RPRD1A: variants seen among roughly 807,000 people sequenced by gnomAD.
The protein encoded by RPRD1A is regulation of nuclear pre-mRNA domain containing 1A.
RPRD1A carries 9 observed loss-of-function variants against 37.8 expected under a neutral mutation model. The ratio of observed to expected loss-of-function variants is 0.24; its 90% CI spans 0.14 to 0.42. The LOEUF (loss-of-function observed/expected upper bound fraction) is 0.42. RPRD1A is among the 10% of genes least tolerant of loss of function. The probability of loss-of-function intolerance (pLI) is 1.00; values close to 1 mark genes in which losing one functional copy is unlikely to be tolerated. For synonymous variants in RPRD1A, 138 were observed against 139.7 expected (o/e 0.99, Z 0.08); for missense variants, 255 against 371.0 (o/e 0.69, Z 2.57).
At chr18:36,025,328 G>A (rs981461234) in intron 6 of RPRD1A, 1 of 279,556 alleles carries the variant, frequency 3.6e-6, no homozygotes, top group Non-Finnish European at 7.0e-6. Context: ...GAAGTGCCTA[G>A]AATAGTACCT....
In RPRD1A at chr18:36,017,842, T is replaced by C. The variant is rs565187403; in HGVS notation, c.789+9058A>G. On this transcript the variant is annotated intron_variant, in intron 6 of 6. Coordinates refer to ENST00000399022, the MANE Select transcript of RPRD1A (RefSeq NM_018170.5). ...CACTGGCTTAAGGACTCTGGTTTCA[T>C]CTGTAGCTCCCGCTCTTCCACTAGA... is the stretch of plus-strand genomic sequence containing the variant. Among the ~76,000 whole-genome samples the C allele has an allele frequency of 1.6e-4, 25 of 152,372 alleles. No homozygotes were observed. In the South Asian group the frequency reaches 4.6e-3, roughly 28 times the overall value.
At chr18:36,004,682 T>C (rs1445143738) in intron 6 of RPRD1A, among the ~76,000 whole-genome samples, 2 of 152,146 alleles carry the variant, frequency 1.3e-5, no homozygotes, top group East Asian at 1.9e-4. Context: ...TCCACTCTTA[T>C]TTGAAATGAA....
At chr18:36,031,579 G>A (rs920577203) in intron 2 of RPRD1A, among the ~76,000 whole-genome samples, 1 of 152,162 alleles carries the variant, frequency 6.6e-6, no homozygotes, top group African/African-American at 2.4e-5. Flanking sequence ...ATATCCGGAA[G>A]AGTATTTAAG....
In RPRD1A at chr18:35,998,268, G is replaced by A. The variant is rs998879844; in HGVS notation, c.790-4968C>T. Among the ~76,000 whole-genome samples the A allele has an allele frequency of 3.3e-5, 5 of 152,168 alleles. No individual in the cohort carries two copies. In the East Asian group the frequency reaches 9.7e-4, roughly 29 times the overall value. On this transcript the variant is annotated intron_variant, in intron 6 of 6. Coordinates refer to ENST00000399022, the MANE Select transcript of RPRD1A (RefSeq NM_018170.5). ...AGCTACTTGGGAGGCTGAGGCAGGA[G>A]AACAACTTGAACCTGGGACAGAGGT...
intron 1 of RPRD1A, among the ~76,000 whole-genome samples, chr18:36,044,126 T>C (rs1912790306): frequency 6.6e-6 from 1 of 152,188 alleles, no homozygotes; most frequent in South Asian, 2.1e-4. Context: ...GTCATTTTAA[T>C]GTTGAATAGG....
intron 1 of RPRD1A, among the ~76,000 whole-genome samples, chr18:36,050,439 G>A (rs754534502): frequency 2.6e-5 from 4 of 151,664 alleles, no homozygotes; most frequent in Non-Finnish European, 4.4e-5. Context: ...GTTTTCACCC[G>A]CCTTTGCTTT....
chr18:36,012,146 G>A (rs2144207992), intron 6 of RPRD1A, among the ~76,000 whole-genome samples: 1 of 152,272 alleles, frequency 6.6e-6, no homozygotes, highest in African/African-American at 2.4e-5. Context: ...CAGTGGTCCT[G>A]TAAGACTATA....
intron 1 of RPRD1A, chr18:36,063,065 A>G (rs2088948438): frequency 6.6e-6 from 1 of 152,092 alleles, no homozygotes; most frequent in South Asian, 2.1e-4. Context: ...CCCTCCAAAC[A>G]GAAACTCTTT....
At chr18:36,022,090 T>G (rs990048958) in intron 6 of RPRD1A, among the ~76,000 whole-genome samples, 1 of 152,192 alleles carries the variant, frequency 6.6e-6, no homozygotes, top group Non-Finnish European at 1.5e-5. Flanking sequence ...GTAGTCTGGA[T>G]AGAAGATCAA....
chr18:36,060,962 C>T (rs1011391483), intron 1 of RPRD1A, among the ~76,000 whole-genome samples: 9 of 150,584 alleles, frequency 6.0e-5, no homozygotes, highest in African/African-American at 2.2e-4. Flanking sequence ...GACACTGTCT[C>T]ATAAAAAAAA....
intron 1 of RPRD1A, among the ~76,000 whole-genome samples, chr18:36,057,608 T>C (rs958339808): frequency 6.6e-6 from 1 of 152,030 alleles, no homozygotes; most frequent in Non-Finnish European, 1.5e-5. Flanking sequence ...TAAGACCCTG[T>C]CTCAAAAAAA....
intron 1 of RPRD1A, among the ~76,000 whole-genome samples, chr18:36,061,910 CA>C (rs1441170755): frequency 2.6e-5 from 4 of 152,130 alleles, no homozygotes; most frequent in Non-Finnish European, 4.4e-5. Flanking sequence ...AAATGCATAT[CA>C]AAATCATGAG....
chr18:36,008,523 C>A (rs1909908154), intron 6 of RPRD1A, among the ~76,000 whole-genome samples: 1 of 125,742 alleles, frequency 8.0e-6, no homozygotes, highest in African/African-American at 3.0e-5. Flanking sequence ...CTGCAGTGAG[C>A]CATGATTGCA....
chr18:36,002,374 T>C (rs1909476549), intron 6 of RPRD1A, among the ~76,000 whole-genome samples: 1 of 152,188 alleles, frequency 6.6e-6, no homozygotes, highest in African/African-American at 2.4e-5. Flanking sequence ...ACCACTTCCT[T>C]CCTTGGCAGT....
intron 6 of RPRD1A, among the ~76,000 whole-genome samples, chr18:36,003,769 T>C (rs1236277065): frequency 6.6e-6 from 1 of 152,162 alleles, no homozygotes; most frequent in Admixed American, 6.5e-5. Context: ...AAATTATCAA[T>C]AAAGTCTAAA....
At chr18:36,055,653 A>G (rs1484848280) in intron 1 of RPRD1A, among the ~76,000 whole-genome samples, 1 of 149,910 alleles carries the variant, frequency 6.7e-6, no homozygotes, top group Non-Finnish European at 1.5e-5. Flanking sequence ...TGATAATTCC[A>G]GAAATATCAA....
At chr18:36,005,565 G>A (rs1447352840) in intron 6 of RPRD1A, among the ~76,000 whole-genome samples, 2 of 152,152 alleles carry the variant, frequency 1.3e-5, no homozygotes, top group Non-Finnish European at 2.9e-5. Context: ...CTGAATTAAA[G>A]TACCCAGAAG....
chr18:36,057,006 G>T (rs1913817652), intron 1 of RPRD1A, among the ~76,000 whole-genome samples: 1 of 137,756 alleles, frequency 7.3e-6, no homozygotes, highest in Non-Finnish European at 1.5e-5. Flanking sequence ...TCTGAGCCCA[G>T]GAGTTCGAGA....
chr18:36,066,950 G>GA (rs922750457), intron 1 of RPRD1A, among the ~76,000 whole-genome samples: 6 of 152,120 alleles, frequency 3.9e-5, no homozygotes, highest in African/African-American at 7.2e-5. Context: ...TTCACAGAAT[G>GA]AAAAAAATAC....
Sources: gnomAD v4.1 joint callset for allele counts (sites outside exome capture counted in the v4.1 genomes callset) on GRCh38, gnomAD v4.1.1 for gene constraint, MANE v1.5 for transcripts, NCBI Gene and HGNC (gene_info 2026-07-23, HGNC 2026-07-21) for gene names.